TAS1R2: variants seen among roughly 807,000 people sequenced by gnomAD.
The protein encoded by TAS1R2 is taste receptor type 1 member 2.
In TAS1R2, 47 loss-of-function variants were observed where a neutral mutation model predicts 49.3. The ratio of observed to expected loss-of-function variants is 0.95; its 90% CI spans 0.75 to 1.22. TAS1R2 has a LOEUF of 1.22. Ranked by LOEUF, TAS1R2 falls within the 50% of genes most tolerant of loss-of-function variation. The pLI is 0.00. For synonymous variants in TAS1R2, 479 were observed against 467.9 expected, an observed-to-expected ratio of 1.02 and a Z score of -0.31; for missense variants, 1,155 against 1,122.1, an observed-to-expected ratio of 1.03 and a Z score of -0.42.
chr1:18,848,249 G>A (rs1410746953), intron 4 of TAS1R2, among the ~76,000 whole-genome samples: 3 of 152,086 alleles, frequency 2.0e-5, no homozygotes, highest in Non-Finnish European at 2.9e-5. Context: ...CAACCTCTCG[G>A]TGCCTTCAGT....
chr1:18,841,625 G>A, intron 5 of TAS1R2, 104 bp downstream of exon 5: 1 of 1,465,862 alleles, frequency 6.8e-7, no homozygotes, highest in Non-Finnish European at 9.2e-7. Flanking sequence ...CCCCCTGTGG[G>A]GTACTCCAGA....
chr1:18,850,794 C>T (rs1254746401), intron 3 of TAS1R2, among the ~76,000 whole-genome samples: 3 of 152,232 alleles, frequency 2.0e-5, no homozygotes, highest in African/African-American at 7.2e-5. Context: ...AACCCCGTTT[C>T]CCCTTCCCCA....
exon 6 of TAS1R2, chr1:18,840,211 G>C: frequency 6.2e-7 from 1 of 1,614,230 alleles, no homozygotes; most frequent in Non-Finnish European, 8.5e-7. Context: ...AGAGGGGAAA[G>C]AGGGCCTGGC....
At chr1:18,850,381 G>A (rs549221188) in intron 3 of TAS1R2, among the ~76,000 whole-genome samples, 1 of 152,378 alleles carries the variant, frequency 6.6e-6, no homozygotes, top group East Asian at 1.9e-4. Context: ...TGGCCTCAGG[G>A]ACTGATACAC....
At chr1:18,858,267 G>C (rs111067985) in intron 1 of TAS1R2, 1 of 130,076 alleles carries the variant, frequency 7.7e-6, no homozygotes, top group African/African-American at 2.9e-5. Flanking sequence ...CATCACCAAC[G>C]TCATCACTAA....
chr1:18,852,081 G>T (rs1031523141), intron 3 of TAS1R2, among the ~76,000 whole-genome samples: 3 of 152,224 alleles, frequency 2.0e-5, no homozygotes, highest in African/African-American at 7.2e-5. Context: ...CTAGCAACTT[G>T]GGATACAGCA....
chr1:18,857,697 C>G lies in TAS1R2; in HGVS notation c.183-66G>C, dbSNP rs369073002. 5.8e-4 allele frequency: 887 copies of G among 1,520,124 alleles called. 3 individuals are homozygous for G. The African/African-American group carries it at 0.01, about 18-fold the overall frequency. The allele number at this position is 1,520,124 out of a possible 1,614,324, so 94.2% of individuals were successfully genotyped here. On this transcript the variant is annotated intron_variant, in intron 1 of 5. Transcript: ENST00000375371. ...AATGAGGAAGGAAGAGATAAGAGAA[C>G]CAGCCCACTCCTCCTTCCTGCCACA...
At chr1:18,843,111 A>G (rs1468348326) in intron 4 of TAS1R2, among the ~76,000 whole-genome samples, 1 of 152,214 alleles carries the variant, frequency 6.6e-6, no homozygotes, top group Admixed American at 6.5e-5. Context: ...GACATTCACT[A>G]TCTTATCGTA....
Position 18,840,544 on chromosome 1 carries a change from G to C in TAS1R2, c.1592-17C>G. 6.2e-7 allele frequency: 1 copy of C among 1,613,880 alleles called. No homozygotes were observed. The highest frequency in any genetic ancestry group is 8.5e-7 in the Non-Finnish European group (1 of 1,179,902). On this transcript the variant is annotated splice_polypyrimidine_tract_variant and intron_variant, in intron 5 of 5. Transcript: ENST00000375371. ...CATATTCATCTGCAAAAGCCACAGC[G>C]ACTCCCATTAGCCAAGCCCATCTTC...
At chr1:18,852,131 G>A (rs28561656) in intron 3 of TAS1R2, among the ~76,000 whole-genome samples, 5,828 of 152,282 alleles carry the variant, frequency 0.038, 351 homozygotes, top group African/African-American at 0.13. Context: ...CACTGGCCTC[G>A]GTTTGGGAGG....
chr1:18,850,786 C>T (rs1433364145), intron 3 of TAS1R2, among the ~76,000 whole-genome samples: 2 of 152,212 alleles, frequency 1.3e-5, no homozygotes, highest in Non-Finnish European at 2.9e-5. Flanking sequence ...TCAGGTTGAA[C>T]CCCGTTTCCC....
At chr1:18,840,012 T>C in exon 6 of TAS1R2, 1 of 1,613,296 alleles carries the variant, frequency 6.2e-7, no homozygotes, top group Non-Finnish European at 8.5e-7. Flanking sequence ...GTGGTGGGAC[T>C]GAGGCCCGTG....
At chr1:18,848,220 T>C (rs1328977376) in intron 4 of TAS1R2, among the ~76,000 whole-genome samples, 3 of 152,116 alleles carry the variant, frequency 2.0e-5, no homozygotes, top group Non-Finnish European at 4.4e-5. Context: ...ACTAGCTGTG[T>C]GGCCTCAGAC....
intron 4 of TAS1R2, among the ~76,000 whole-genome samples, chr1:18,848,155 G>C (rs113410618): frequency 6.6e-6 from 1 of 152,146 alleles, no homozygotes; most frequent in East Asian, 1.9e-4. Flanking sequence ...GCTGTATATA[G>C]AGAACCTCCG....
In TAS1R2 at chr1:18,839,651, G is replaced by A. The variant is rs759247570; in HGVS notation, c.2468C>T (p.Thr823Met). The change falls in exon 6 of 6, where the codon ACG (threonine) becomes ATG (methionine). Residue 823 changes from threonine (T) to methionine (M), a missense_variant. Transcript: ENST00000375371. The stretch of plus-strand genomic sequence containing the variant: ...GATCATGCTGTTGAAGTAGGCGGGC[G>A]TGTTGCGCTCCGGGTAGAAGAGGAT... The A allele has an allele frequency of 2.0e-5, 32 of 1,614,210 alleles. No individual in the cohort carries two copies. The highest frequency in any genetic ancestry group is 6.7e-5 in the Admixed American group (4 of 60,022).
At chr1:18,840,149 C>T (rs1933792133) in exon 6 of TAS1R2, 1 of 1,614,218 alleles carries the variant, frequency 6.2e-7, no homozygotes, top group Non-Finnish European at 8.5e-7. Flanking sequence ...CTTGAAGGCG[C>T]AGACGATCTG....
chr1:18,844,384 C>T (rs1487600473), intron 4 of TAS1R2, among the ~76,000 whole-genome samples: 3 of 152,150 alleles, frequency 2.0e-5, no homozygotes, highest in Non-Finnish European at 4.4e-5. Flanking sequence ...GAGCACAAAG[C>T]ATGAAGATCT....
intron 2 of TAS1R2, among the ~76,000 whole-genome samples, chr1:18,855,472 GT>G: frequency 6.6e-6 from 1 of 152,224 alleles, no homozygotes; most frequent in Non-Finnish European, 1.5e-5. Flanking sequence ...CTCACTGGGA[GT>G]TCCATCTCCT....
intron 3 of TAS1R2, among the ~76,000 whole-genome samples, chr1:18,850,834 T>C (rs998681016): frequency 6.6e-6 from 1 of 152,192 alleles, no homozygotes; most frequent in South Asian, 2.1e-4. Flanking sequence ...CAGCATAAGC[T>C]GTACATTTAA....
Sources: allele counts gnomAD v4.1 joint callset (sites outside exome capture counted in the v4.1 genomes callset), GRCh38; gene constraint gnomAD v4.1.1; transcripts MANE v1.5; gene names NCBI Gene and HGNC (gene_info 2026-07-23, HGNC 2026-07-21).